Variants in MYO18B observed in about 807,000 individuals in gnomAD.
The protein encoded by MYO18B is unconventional myosin-XVIIIb.
Under a neutral mutation model 273.0 loss-of-function variants are expected in MYO18B, and 204 were observed. That is an observed-to-expected ratio of 0.75 (90% CI 0.67 to 0.84). The LOEUF (loss-of-function observed/expected upper bound fraction) is 0.84, where lower values mean the gene tolerates loss of function less well. Ranked by LOEUF, MYO18B falls within the 40% of genes least tolerant of loss-of-function variation. The pLI, the probability that MYO18B is intolerant of heterozygous loss-of-function variation, is 0.00. For synonymous variants in MYO18B, 1,330 were observed against 1,305.7 expected (o/e 1.02, Z -0.40); for missense variants, 3,212 against 3,287.6 (o/e 0.98, Z 0.56).
chr22:25,781,627 A>AAAAG (rs71322765), intron 9 of MYO18B, 107 bp from the exon 10 acceptor site: 1 of 508,598 alleles, frequency 2.0e-6, no homozygotes, highest in South Asian at 5.3e-5. Context: ...AAAAAAAAAG[A>AAAAG]GTGGATCAGA....
intron 1 of MYO18B, among the ~76,000 whole-genome samples, chr22:25,753,058 TGC>T (rs1240131436): frequency 2.0e-4 from 31 of 151,456 alleles, no homozygotes; most frequent in African/African-American, 7.3e-4. Context: ...GCTCAGGACC[TGC>T]AGCCTGCCAT....
intron 39 of MYO18B, among the ~76,000 whole-genome samples, chr22:25,974,382 A>G (rs1051018298): frequency 1.3e-5 from 2 of 152,234 alleles, no homozygotes; most frequent in Non-Finnish European, 2.9e-5. Flanking sequence ...AATTGGTTCA[A>G]TATAGCTGAT....
intron 42 of MYO18B, among the ~76,000 whole-genome samples, chr22:26,009,418 C>T (rs963093242): frequency 6.6e-6 from 1 of 152,202 alleles, no homozygotes; most frequent in Non-Finnish European, 1.5e-5. Context: ...ATGTCCTCAT[C>T]CATCACCTTG....
At chr22:25,852,002 A>G (rs2090441192) in intron 21 of MYO18B, among the ~76,000 whole-genome samples, 1 of 152,226 alleles carries the variant, frequency 6.6e-6, no homozygotes, top group South Asian at 2.1e-4. Flanking sequence ...TCATGAGAAG[A>G]GAGCATCCCA....
the MYO18B span, among the ~76,000 whole-genome samples, chr22:26,048,651 C>T: frequency 6.6e-6 from 1 of 152,130 alleles, no homozygotes. Context: ...ACTATAAGCA[C>T]ATAATTGATG....
At chr22:25,962,224 C>G (rs1370127689) in intron 39 of MYO18B, among the ~76,000 whole-genome samples, 1 of 152,170 alleles carries the variant, frequency 6.6e-6, no homozygotes, top group Non-Finnish European at 1.5e-5. Context: ...TTTCAAAACT[C>G]AAATATCAGG....
chr22:25,918,058 T>G (rs1027520302), intron 33 of MYO18B, among the ~76,000 whole-genome samples: 2 of 152,226 alleles, frequency 1.3e-5, no homozygotes, highest in Non-Finnish European at 2.9e-5. Flanking sequence ...TTTGAATATC[T>G]GTCATTTTAA....
Position 25,768,168 on chromosome 22 carries a change from A to G in MYO18B, c.252A>G (p.Arg84=). 1 of 1,612,894 alleles carries G rather than the reference A, an allele frequency of 6.2e-7. No homozygotes were observed. The highest frequency in any genetic ancestry group is 1.3e-5 in the African/African-American group (1 of 75,004). Residue 84 remains arginine, a synonymous_variant, in exon 4 of 44, where the codon AGA becomes AGG. Transcript: ENST00000335473. ...QPNSKSSSGT[R]SGSQQISQDD... is the part of the protein sequence containing the mutation. ...ACAGCAAGTCCAGCAGTGGCACCAG[A>G]TCTGGAAGCCAGCAGATCTCTCAGG...
chr22:25,851,904 A>T (rs1438938816), intron 21 of MYO18B, among the ~76,000 whole-genome samples: 1 of 152,210 alleles, frequency 6.6e-6, no homozygotes, highest in African/African-American at 2.4e-5. Context: ...CCAAACCCCC[A>T]CAACAATGTC....
intron 12 of MYO18B, among the ~76,000 whole-genome samples, chr22:25,806,631 C>G (rs9620561): frequency 0.23 from 35,466 of 152,188 alleles, 4,361 homozygotes; most frequent in Middle Eastern, 0.27. Context: ...GCTCATGGCT[C>G]AAGCCATCAC....
At chr22:25,800,158 A>C (rs1399609184) in intron 12 of MYO18B, among the ~76,000 whole-genome samples, 2 of 152,180 alleles carry the variant, frequency 1.3e-5, no homozygotes, top group African/African-American at 4.8e-5. Context: ...CATAAGAATG[A>C]TATAATAGAC....
the MYO18B span, among the ~76,000 whole-genome samples, chr22:26,063,330 C>G: frequency 6.6e-6 from 1 of 152,162 alleles, no homozygotes; most frequent in Non-Finnish European, 1.5e-5. Context: ...GTGAAGAGAA[C>G]AATGAAAATA....
At chr22:25,954,267 C>T (rs2092823588) in intron 38 of MYO18B, among the ~76,000 whole-genome samples, 1 of 152,220 alleles carries the variant, frequency 6.6e-6, no homozygotes, top group Admixed American at 6.5e-5. Context: ...TCCCCCCTGC[C>T]ACCAGGAAAG....
At chr22:25,972,827 A>G (rs991512376) in intron 39 of MYO18B, among the ~76,000 whole-genome samples, 1 of 152,076 alleles carries the variant, frequency 6.6e-6, no homozygotes, top group Non-Finnish European at 1.5e-5. Flanking sequence ...GTGGTGGTGC[A>G]TGCCTGTAAT....
intron 2 of MYO18B, among the ~76,000 whole-genome samples, chr22:25,762,096 T>G (rs2086341475): frequency 6.7e-6 from 1 of 149,296 alleles, no homozygotes; most frequent in African/African-American, 2.5e-5. Context: ...AGTGCGAGAC[T>G]CCGTCTCAAA....
chr22:26,047,333 A>G, the MYO18B span, among the ~76,000 whole-genome samples: 6 of 152,168 alleles, frequency 3.9e-5, no homozygotes, highest in East Asian at 9.7e-4. Context: ...TCACCGTGTT[A>G]GCCAGGATGG....
intron 15 of MYO18B, among the ~76,000 whole-genome samples, chr22:25,830,396 T>A (rs1275496074): frequency 1.3e-5 from 2 of 152,214 alleles, no homozygotes; most frequent in Non-Finnish European, 2.9e-5. Flanking sequence ...CGGTTGTTGC[T>A]CACAAGTGTC....
Position 26,027,615 on chromosome 22 carries a change from G to C in MYO18B, c.7641G>C (p.Glu2547Asp). Residue 2547 changes from glutamate to aspartate, a missense_variant, in exon 43 of 44, where the codon GAG (glutamate) becomes GAC (aspartate). Glu to Asp is a conservative substitution (Grantham distance 45). Coordinates refer to ENST00000335473, the MANE Select transcript of MYO18B (RefSeq NM_032608.7). This position sits in a 1 kb window ranked among gnomAD's most constrained non-coding sequence, Gnocchi z 4.1. Reference protein sequence around the residue: ...GGERTSPERREPGTGRKDDDV... With the variant: ...GGERTSPERRDPGTGRKDDDV... ...AGCGAACGTCCCCCGAGCGGAGAGA[G>C]CCAGGGACGGGGAGGAAAGACGACG... 6.2e-7 allele frequency: 1 copy of C among 1,613,924 alleles called. No individual in the cohort carries two copies. The highest frequency in any genetic ancestry group is 8.5e-7 in the Non-Finnish European group (1 of 1,179,878).
chr22:25,992,553 T>C, intron 40 of MYO18B, 60 bp downstream of exon 40: 1 of 1,605,536 alleles, frequency 6.2e-7, no homozygotes. Context: ...CCTGGGGAGC[T>C]CTATGCCCTT....
Sources: allele counts gnomAD v4.1 joint callset (sites outside exome capture counted in the v4.1 genomes callset), GRCh38; gene constraint gnomAD v4.1.1; non-coding constraint Gnocchi (gnomAD v3.1); transcripts MANE v1.5; gene names NCBI Gene and HGNC (gene_info 2026-07-23, HGNC 2026-07-21).